The following KIF11 variants were observed in gnomAD, a reference collection of about 807,000 sequenced individuals.
KIF11 encodes kinesin family member 11, also known as kinesin-like protein KIF11.
Under a neutral mutation model 121.0 loss-of-function variants are expected in KIF11, and 9 were observed. The observed-to-expected ratio is 0.07, with a 90% CI of 0.04 to 0.13. The LOEUF is 0.13. Ranked by LOEUF, KIF11 falls within the 10% of genes least tolerant of loss-of-function variation. KIF11 has a pLI of 1.00. For missense variants in KIF11, 846 were observed against 1,217.5 expected (o/e 0.69, Z 4.54); for synonymous variants, 408 against 421.0 (o/e 0.97, Z 0.38).
intron 17 of KIF11, among the ~76,000 whole-genome samples, chr10:92,642,121 G>A (rs1844871397): frequency 6.6e-6 from 1 of 151,890 alleles, no homozygotes. Context: ...CAACATCTGA[G>A]TTTTCTTGTT....
chr10:92,594,419 A>C (rs1844268497), intron 1 of KIF11, among the ~76,000 whole-genome samples: 1 of 152,232 alleles, frequency 6.6e-6, no homozygotes, highest in Admixed American at 6.5e-5. Flanking sequence ...CTAGCCAGTG[A>C]CACTTACTAG....
Position 92,593,253 on chromosome 10 carries a change from C to T in KIF11, c.-123C>T. The stretch of plus-strand genomic sequence containing the variant: ...ACGCCGACCTGCGTGCGTCGGTCCT[C>T]CAGGCCACGCCAGCGCCCGAGAGGG... On this transcript the variant is annotated 5_prime_UTR_variant, in exon 1 of 22. Coordinates refer to ENST00000260731, the MANE Select transcript of KIF11 (RefSeq NM_004523.4). 1 of 962,852 alleles carries T rather than the reference C, an allele frequency of 1.0e-6. No individual in the cohort carries two copies. Among genetic ancestry groups the T allele is most frequent in the Non-Finnish European group, 1.5e-6 (1 of 649,004 alleles). 59.6% of individuals were successfully genotyped at this position (962,852 alleles called of 1,614,324 possible).
chr10:92,608,017 T>C (rs975298460), intron 4 of KIF11, among the ~76,000 whole-genome samples: 49 of 150,438 alleles, frequency 3.3e-4, no homozygotes, highest in African/African-American at 1.2e-3. Flanking sequence ...TAGCTGGGTG[T>C]GGTGGTGCAT....
chr10:92,606,232 C>T (rs1379795784), intron 1 of KIF11, 33 bp from the exon 2 acceptor site: 2 of 1,539,848 alleles, frequency 1.3e-6, no homozygotes, highest in Non-Finnish European at 1.7e-6. Context: ...GAACTAAGAG[C>T]TCTTGAATGA....
chr10:92,644,274 CTT>C (rs764078281), intron 17 of KIF11, among the ~76,000 whole-genome samples: 4 of 152,084 alleles, frequency 2.6e-5, no homozygotes, highest in Non-Finnish European at 5.9e-5. Context: ...GCTTATAGTA[CTT>C]TTAACTCAAT....
intron 14 of KIF11, among the ~76,000 whole-genome samples, chr10:92,636,384 A>G (rs1844796634): frequency 6.6e-6 from 1 of 151,832 alleles, no homozygotes; most frequent in Non-Finnish European, 1.5e-5. Context: ...TGGGAGGCCA[A>G]GGTGGGTGGA....
intron 12 of KIF11, among the ~76,000 whole-genome samples, chr10:92,631,155 G>T (rs61861451): frequency 1.3e-5 from 2 of 150,968 alleles, no homozygotes; most frequent in African/African-American, 4.9e-5. Context: ...TTAGCCAGGC[G>T]TGGTGGCACA....
chr10:92,621,493 G>T lies in KIF11; in HGVS notation c.1217+20G>T. 4.2e-6 allele frequency: 6 copies of T among 1,439,646 alleles called. No individual in the cohort carries two copies. Among genetic ancestry groups the T allele is most frequent in the Non-Finnish European group, 4.9e-6 (5 of 1,026,992 alleles). 89.2% of individuals were successfully genotyped at this position (1,439,646 alleles called of 1,614,324 possible). A position where few individuals can be genotyped will look rare whatever the true frequency, so the allele number is the denominator to read the frequency against. On this transcript the variant is annotated intron_variant, in intron 10 of 21. Coordinates refer to ENST00000260731, the MANE Select transcript of KIF11 (RefSeq NM_004523.4). ...TTTTAGGTAAGCCCTTGGCTATGGA[G>T]TTAATTTCCAAGAATAAGCATTTCT...
At chr10:92,653,614 G>A (rs780240960) in intron 21 of KIF11, 51 bp from the exon 22 acceptor site, 2 of 1,531,516 alleles carry the variant, frequency 1.3e-6, no homozygotes, top group Non-Finnish European at 1.8e-6. Flanking sequence ...TAGTTAATGT[G>A]TATCTAATGT....
At chr10:92,646,926 A>C (rs1416888443) in intron 18 of KIF11, among the ~76,000 whole-genome samples, 6 of 152,252 alleles carry the variant, frequency 3.9e-5, no homozygotes, top group African/African-American at 1.4e-4. Context: ...AAATGATAGA[A>C]TTAATATATC....
chr10:92,602,176 AT>A (rs201929041), intron 1 of KIF11, among the ~76,000 whole-genome samples: 3 of 151,358 alleles, frequency 2.0e-5, no homozygotes, highest in South Asian at 2.1e-4. Context: ...TTTGTTGAGG[AT>A]TTTTTTTTAT....
At chr10:92,612,011 T>C (rs944978362) in intron 6 of KIF11, among the ~76,000 whole-genome samples, 1 of 152,194 alleles carries the variant, frequency 6.6e-6, no homozygotes, top group African/African-American at 2.4e-5. Context: ...AACATAATAA[T>C]GTTCACCAAA....
At position 92,637,165 on chromosome 10, in the gene KIF11, T is replaced by C; in HGVS notation, c.1876-19T>C. ...GAAATATTCTTTTTAAAGACCTATT[T>C]GTTTATTTCTGAAACCAGAATGTAC... On this transcript the variant is annotated intron_variant, in intron 14 of 21. Coordinates refer to ENST00000260731, the MANE Select transcript of KIF11 (RefSeq NM_004523.4). 1 of 1,557,872 alleles carries C rather than the reference T, an allele frequency of 6.4e-7. No homozygotes were observed. The highest frequency in any genetic ancestry group is 1.4e-5 in the African/African-American group (1 of 71,198).
chr10:92,616,637 T>C (rs955083453), intron 8 of KIF11, 100 bp from the exon 9 acceptor site: 5 of 605,364 alleles, frequency 8.3e-6, no homozygotes, highest in Non-Finnish European at 1.4e-5. Context: ...GATATAACTA[T>C]AAAATATTAC....
intron 10 of KIF11, among the ~76,000 whole-genome samples, chr10:92,623,641 C>G (rs74414134): frequency 6.6e-6 from 1 of 152,030 alleles, no homozygotes; most frequent in Non-Finnish European, 1.5e-5. Context: ...GTGTAAGATG[C>G]CCTAGAATCA....
At chr10:92,643,131 C>T (rs1452228023) in intron 17 of KIF11, among the ~76,000 whole-genome samples, 4 of 152,082 alleles carry the variant, frequency 2.6e-5, no homozygotes, top group African/African-American at 9.7e-5. Context: ...AGGCTGGTTT[C>T]GAACTCCTGA....
chr10:92,647,594 TG>T (rs768023604), intron 18 of KIF11, among the ~76,000 whole-genome samples: 4 of 152,148 alleles, frequency 2.6e-5, no homozygotes, highest in Non-Finnish European at 4.4e-5. Flanking sequence ...TTTTTAGATG[TG>T]ATAGTGGTCT....
intron 18 of KIF11, among the ~76,000 whole-genome samples, chr10:92,646,808 AG>A (rs1844925606): frequency 6.6e-6 from 1 of 152,258 alleles, no homozygotes; most frequent in Non-Finnish European, 1.5e-5. Flanking sequence ...GTAAAGAAGA[AG>A]AAAAAATTTA....
Position 92,654,767 on chromosome 10 carries a change from G to C in KIF11, c.*971G>C, listed in dbSNP as rs1225835004. ...TGAAAGCATTTCATTCCTTTAAGAGGCCTAACTCATTCACCCTGACAGAGT... is the reference window on the plus strand; with the variant it reads ...TGAAAGCATTTCATTCCTTTAAGAGCCCTAACTCATTCACCCTGACAGAGT... On this transcript the variant is annotated 3_prime_UTR_variant, in exon 22 of 22. Transcript: ENST00000260731. 6.6e-6 allele frequency: 1 copy of C among 151,774 alleles called. No homozygotes were observed. Among genetic ancestry groups the C allele is most frequent in the African/African-American group, 2.4e-5 (1 of 41,230 alleles). 9.4% of individuals were successfully genotyped at this position (151,774 alleles called of 1,614,324 possible).
Sources: gnomAD v4.1 joint callset for allele counts (sites outside exome capture counted in the v4.1 genomes callset) on GRCh38, gnomAD v4.1.1 for gene constraint, MANE v1.5 for transcripts, NCBI Gene and HGNC (gene_info 2026-07-23, HGNC 2026-07-21) for gene names.